HSPD1: variants seen among roughly 807,000 people sequenced by gnomAD.
HSPD1 encodes the protein 60 kDa heat shock protein, mitochondrial.
A neutral mutation model predicts 53.0 loss-of-function variants in HSPD1; 3 were observed. The observed-to-expected ratio is 0.06, with a 90% confidence interval of 0.03 to 0.15. HSPD1 has a LOEUF of 0.15. Among genes scored for constraint, HSPD1 ranks in the 10% least tolerant of loss-of-function variants. The probability of loss-of-function intolerance (pLI) is 1.00; values close to 1 mark genes in which losing one functional copy is unlikely to be tolerated. For synonymous variants in HSPD1, 200 were observed against 228.0 expected, an observed-to-expected ratio of 0.88 and a Z score of 1.10; for missense variants, 431 against 694.1, an observed-to-expected ratio of 0.62 and a Z score of 4.26.
At chr2:197,492,437 G>A (rs986730371) in intron 7 of HSPD1, among the ~76,000 whole-genome samples, 2 of 151,950 alleles carry the variant, frequency 1.3e-5, no homozygotes, top group Admixed American at 6.6e-5. Context: ...TGATCCACCC[G>A]CCTGTGCCTC....
chr2:197,487,246 A>C (rs2086037743), intron 11 of HSPD1, 48 bp from the exon 12 acceptor site: 2 of 1,548,254 alleles, frequency 1.3e-6, no homozygotes, highest in African/African-American at 2.7e-5. Context: ...AAATATGAGC[A>C]AGACTTATTG....
Position 197,498,802 on chromosome 2 carries a change from C to G in HSPD1, c.47G>C (p.Arg16Thr), listed in dbSNP as rs776524890. The G allele has an allele frequency of 3.1e-6, 5 of 1,614,198 alleles. No homozygotes were observed. The South Asian group carries it at 5.5e-5, about 18-fold the overall frequency. ...CCGAGTGAGATGAGGAGCCAGTACCCTGGACACCGGTCTCATCTGGCGAAA... is the reference window on the plus strand; with the variant it reads ...CCGAGTGAGATGAGGAGCCAGTACCGTGGACACCGGTCTCATCTGGCGAAA... ...TVFRQMRPVS[R>T]VLAPHLTRAY... The change falls in exon 2 of 12, where the codon AGG becomes ACG. Residue 16 changes from arginine (R) to threonine (T), a missense_variant. Transcript: ENST00000388968.
rs140322166 is a variant in HSPD1, at chr2:197,488,497, G to C, written c.1216-6C>G. Reference sequence around the variant, plus strand: ...ACATCACTTGTCCCACCAACCTAAAGACGAAAAGAATTCCAGTTAGTATGG... The same window carrying C: ...ACATCACTTGTCCCACCAACCTAAACACGAAAAGAATTCCAGTTAGTATGG... On this transcript the variant is annotated splice_region_variant and splice_polypyrimidine_tract_variant and intron_variant, in intron 9 of 11. Coordinates refer to ENST00000388968, the MANE Select transcript of HSPD1 (RefSeq NM_002156.5). The C allele has an allele frequency of 6.6e-5, 107 of 1,612,852 alleles. No homozygotes were observed. The East Asian group carries it at 2.4e-3, about 36-fold the overall frequency.
chr2:197,494,466 G>C (rs2086132297), intron 5 of HSPD1, 191 bp downstream of exon 5: 2 of 630,882 alleles, frequency 3.2e-6, no homozygotes, highest in Non-Finnish European at 5.7e-6. Flanking sequence ...ATGCAGCAAA[G>C]GCTAATTCAC....
chr2:197,490,566 C>T (rs534243566), intron 7 of HSPD1: 13 of 419,994 alleles, frequency 3.1e-5, no homozygotes, highest in South Asian at 2.9e-4. Flanking sequence ...CGTGGTGACT[C>T]AGGCCTGTAA....
intron 3 of HSPD1, among the ~76,000 whole-genome samples, chr2:197,496,105 C>CAGA (rs1314058809): frequency 6.6e-6 from 1 of 152,192 alleles, no homozygotes; most frequent in African/African-American, 2.4e-5. Context: ...TCTGTTGTGA[C>CAGA]TATGCCTCTG....
At chr2:197,495,478 T>C (rs1279832778) in intron 3 of HSPD1, 102 bp from the exon 4 acceptor site, 1 of 745,280 alleles carries the variant, frequency 1.3e-6, no homozygotes, top group Non-Finnish European at 2.2e-6. Context: ...TGCCTTAACT[T>C]AAAAAAAAAA....
chr2:197,488,309 C>T lies in HSPD1; in HGVS notation c.1390+8G>A, dbSNP rs769927011. 7.4e-6 allele frequency: 12 copies of T among 1,613,492 alleles called. No individual in the cohort carries two copies. In the South Asian group the frequency reaches 8.8e-5, roughly 12 times the overall value. On this transcript the variant is annotated splice_region_variant and intron_variant, in intron 10 of 11. Transcript: ENST00000388968. Reference sequence around the variant, plus strand: ...GGCCACAAACTCATTTAAAAGGTAACTTTTTACCAATTTTTTGATCTTCAT... The same window carrying T: ...GGCCACAAACTCATTTAAAAGGTAATTTTTTACCAATTTTTTGATCTTCAT...
chr2:197,497,582 G>C lies in HSPD1; in HGVS notation c.175-190C>G. On this transcript the variant is annotated intron_variant, in intron 2 of 11. Transcript: ENST00000388968. ...TCTTTGTCTACAGACAAAATGACCT[G>C]ATTCTCTGCCAAGAGCATAATTTTG... 2 of 621,840 alleles carry C rather than the reference G, an allele frequency of 3.2e-6. 1 individual carries two copies. Among genetic ancestry groups the C allele is most frequent in the Non-Finnish European group, 5.7e-6 (2 of 351,048 alleles). 38.5% of individuals were successfully genotyped at this position (621,840 alleles called of 1,614,324 possible).
At chr2:197,487,256 G>C in intron 11 of HSPD1, 58 bp from the exon 12 acceptor site, 1 of 1,496,158 alleles carries the variant, frequency 6.7e-7, no homozygotes, top group Non-Finnish European at 9.2e-7. Flanking sequence ...AAGACTTATT[G>C]AAAATTTCTG....
Position 197,486,866 on chromosome 2 carries a change from G to A in HSPD1, c.*180C>T. The A allele has an allele frequency of 1.7e-6, 1 of 599,180 alleles. No individual in the cohort carries two copies. Among genetic ancestry groups the A allele is most frequent in the Admixed American group, 2.9e-5 (1 of 33,958 alleles). 37.1% of individuals were successfully genotyped at this position (599,180 alleles called of 1,614,324 possible). Reference sequence around the variant, plus strand: ...TAAATTATCTGTAGGCATGGACAATGACAGCAGTAAACCATTATATATTTT... The same window carrying A: ...TAAATTATCTGTAGGCATGGACAATAACAGCAGTAAACCATTATATATTTT... On this transcript the variant is annotated 3_prime_UTR_variant, in exon 12 of 12. Coordinates refer to ENST00000388968, the MANE Select transcript of HSPD1 (RefSeq NM_002156.5).
At chr2:197,496,110 C>T (rs2086154172) in intron 3 of HSPD1, among the ~76,000 whole-genome samples, 2 of 152,124 alleles carry the variant, frequency 1.3e-5, no homozygotes. Context: ...TGTGACTATG[C>T]CTCTGCAGGT....
intron 3 of HSPD1, 192 bp downstream of exon 3, chr2:197,496,948 T>A: frequency 6.4e-6 from 4 of 622,224 alleles, no homozygotes; most frequent in Non-Finnish European, 1.1e-5. Context: ...ATATCAAAAT[T>A]ACCTAACAGT....
At chr2:197,500,150 GTTCT>G, upstream of HSPD1, 1 of 538,318 alleles carries the variant, frequency 1.9e-6, no homozygotes, top group Non-Finnish European at 3.3e-6. Context: ...CGAAGGGGTA[GTTCT>G]TTCACCTCGG....
intron 8 of HSPD1, among the ~76,000 whole-genome samples, chr2:197,489,650 A>G (rs930177586): frequency 1.3e-5 from 2 of 152,116 alleles, no homozygotes; most frequent in Admixed American, 6.6e-5. Context: ...GCTTGAGTCC[A>G]GAAGTTTGAG....
At chr2:197,494,467 G>A (rs1005411457) in intron 5 of HSPD1, 190 bp downstream of exon 5, 9 of 630,788 alleles carry the variant, frequency 1.4e-5, no homozygotes, top group Admixed American at 2.8e-5. Context: ...TGCAGCAAAG[G>A]CTAATTCACA....
intron 7 of HSPD1, among the ~76,000 whole-genome samples, chr2:197,491,717 G>A (rs1242212069): frequency 1.3e-5 from 2 of 152,186 alleles, no homozygotes; most frequent in African/African-American, 4.8e-5. Flanking sequence ...CTGTCTTAAA[G>A]TTTAAACTAA....
intron 9 of HSPD1, 113 bp downstream of exon 9, chr2:197,488,889 G>A (rs1206362745): frequency 2.5e-6 from 3 of 1,186,586 alleles, no homozygotes; most frequent in Non-Finnish European, 3.8e-6. Flanking sequence ...CCACTATGAA[G>A]TTAATTCCTC....
chr2:197,495,827 G>C (rs1223648784), intron 3 of HSPD1, among the ~76,000 whole-genome samples: 1 of 152,138 alleles, frequency 6.6e-6, no homozygotes, highest in African/African-American at 2.4e-5. Flanking sequence ...GAGTTGCGTG[G>C]CATGTACTTA....
Sources: gnomAD v4.1 joint callset for allele counts (sites outside exome capture counted in the v4.1 genomes callset) on GRCh38, gnomAD v4.1.1 for gene constraint, MANE v1.5 for transcripts, NCBI Gene and HGNC (gene_info 2026-07-23, HGNC 2026-07-21) for gene names.